The following MYH11 variants were observed in gnomAD, a reference collection of about 807,000 sequenced individuals.
The protein encoded by MYH11 is myosin-11.
MYH11 carries 80 observed loss-of-function variants against 246.6 expected under a neutral mutation model. That is an observed-to-expected ratio of 0.32 (90% CI 0.27 to 0.39). MYH11 has a LOEUF of 0.39. Among genes scored for constraint, MYH11 ranks in the 10% least tolerant of loss-of-function variants. The probability of loss-of-function intolerance (pLI) is 1.00; values close to 1 mark genes in which losing one functional copy is unlikely to be tolerated. For missense variants in MYH11, 2,158 were observed against 2,546.8 expected (o/e 0.85, Z 3.29); for synonymous variants, 1,071 against 1,015.5 (o/e 1.05, Z -1.04).
chr16:15,803,103 C>T (rs764410614), intron 3 of MYH11, among the ~76,000 whole-genome samples: 23 of 151,428 alleles, frequency 1.5e-4, no homozygotes, highest in Non-Finnish European at 3.1e-4. Context: ...TGCCACTGCA[C>T]TCCAGCCTGG....
chr16:15,783,585 C>A (rs1275549509), intron 5 of MYH11: 1 of 152,202 alleles, frequency 6.6e-6, no homozygotes, highest in Non-Finnish European at 1.5e-5. Context: ...AGTGGAATCA[C>A]CACAGCTGAG....
intron 1 of MYH11, among the ~76,000 whole-genome samples, chr16:15,843,832 T>G (rs1014565438): frequency 3.3e-5 from 5 of 152,140 alleles, no homozygotes; most frequent in Non-Finnish European, 7.3e-5. Flanking sequence ...TCAGTAGGAC[T>G]GGGATGGGGC....
intron 24 of MYH11, among the ~76,000 whole-genome samples, chr16:15,738,135 G>A (rs1422335113): frequency 6.6e-6 from 1 of 152,064 alleles, no homozygotes; most frequent in Non-Finnish European, 1.5e-5. Context: ...ATTTCGAGAG[G>A]TGGCATAGAG....
intron 37 of MYH11, 84 bp from the exon 38 acceptor site, chr16:15,717,432 TGGCCTCTGCACGA>T: frequency 6.9e-7 from 1 of 1,454,506 alleles, no homozygotes; most frequent in Admixed American, 1.8e-5. Flanking sequence ...CTGCCTTGTT[TGGCCTCTGCACGA>T]GTCCCTTGAT....
Position 15,766,624 on chromosome 16 carries a change from G to A in MYH11, c.1034-2733C>T, listed in dbSNP as rs189505462. On this transcript the variant is annotated intron_variant, in intron 9 of 40. Coordinates refer to ENST00000300036, the MANE Select transcript of MYH11 (RefSeq NM_002474.3). ...TGACTTCAAGTGATCCATGTGCCTT[G>A]GCCTCCCATAGGGTTGGGATTATAG... Among the ~76,000 whole-genome samples, 783 of 152,194 alleles carry A rather than the reference G, an allele frequency of 5.1e-3. 14 individuals are homozygous for A. Among genetic ancestry groups the A allele is most frequent in the African/African-American group, 0.018 (729 of 41,516 alleles).
At chr16:15,786,503 C>T in intron 5 of MYH11, 127 bp downstream of exon 5, 2 of 940,850 alleles carry the variant, frequency 2.1e-6, no homozygotes, top group Non-Finnish European at 3.5e-6. Flanking sequence ...CTCTTTGAGT[C>T]TTCAGGGGAG....
intron 4 of MYH11, among the ~76,000 whole-genome samples, chr16:15,787,821 A>C (rs1395886344): frequency 6.6e-6 from 1 of 151,914 alleles, no homozygotes; most frequent in Non-Finnish European, 1.5e-5. Flanking sequence ...AAAGTTTAAG[A>C]AGCTCCCTTA....
intron 1 of MYH11, among the ~76,000 whole-genome samples, chr16:15,841,478 G>A (rs750957383): frequency 2.2e-4 from 34 of 152,078 alleles, no homozygotes; most frequent in Non-Finnish European, 4.1e-4. Context: ...AAAGTGGGGT[G>A]GAAATGTGAA....
chr16:15,824,105 A>G (rs1387557890), intron 2 of MYH11, among the ~76,000 whole-genome samples: 4 of 136,760 alleles, frequency 2.9e-5, no homozygotes, highest in Admixed American at 2.8e-4. Flanking sequence ...TGACAATCAT[A>G]TTAAATGCTC....
intron 4 of MYH11, among the ~76,000 whole-genome samples, chr16:15,798,149 C>A (rs893586697): frequency 1.3e-5 from 2 of 152,178 alleles, no homozygotes; most frequent in Non-Finnish European, 2.9e-5. Context: ...AGTGAAAACT[C>A]TCTCAATGAT....
intron 40 of MYH11, among the ~76,000 whole-genome samples, chr16:15,712,161 G>A (rs1475318277): frequency 6.6e-6 from 1 of 152,222 alleles, no homozygotes; most frequent in African/African-American, 2.4e-5. Flanking sequence ...GGGGTGAAGA[G>A]TTTCAGTCAG....
chr16:15,828,843 AGAGAGAT>A (rs59860436), intron 2 of MYH11, among the ~76,000 whole-genome samples: 56,957 of 148,158 alleles, frequency 0.38, 15,528 homozygotes, highest in African/African-American at 0.79. Context: ...AAAGGAAGAA[AGAGAGAT>A]GAGAGATAGA....
chr16:15,834,300 G>A (rs753081950), intron 2 of MYH11, among the ~76,000 whole-genome samples: 10 of 152,126 alleles, frequency 6.6e-5, no homozygotes, highest in Admixed American at 1.3e-4. Context: ...GCCGAGGCAA[G>A]TGGATCACCT....
rs375649016 is a variant in MYH11, at chr16:15,823,352, C to T, written c.405G>A (p.Ser135=). The T allele has an allele frequency of 5.2e-5, 84 of 1,614,010 alleles. No homozygotes were observed. Among genetic ancestry groups the T allele is most frequent in the Non-Finnish European group, 6.4e-5 (76 of 1,180,040 alleles). The change falls in exon 3 of 41, where the codon TCG becomes TCA. Residue 135 remains serine, a synonymous_variant. Transcript: ENST00000300036. ...VNPYKHLPIY[S]EKIVDMYKGK... is the part of the protein sequence containing the mutation. ...CCTTGTACATGTCGACGATCTTCTC[C>T]GAGTAGATGGGCAGGTGTTTATAGG...
intron 5 of MYH11, chr16:15,784,896 C>T (rs144627300): frequency 3.4e-5 from 23 of 669,268 alleles, no homozygotes; most frequent in Non-Finnish European, 4.6e-5. Context: ...TGCAGGAATA[C>T]GATCACAGCT....
chr16:15,836,132 G>A (rs2043885477), intron 2 of MYH11, among the ~76,000 whole-genome samples: 1 of 152,160 alleles, frequency 6.6e-6, no homozygotes, highest in Admixed American at 6.6e-5. Context: ...CTGCTCGAGG[G>A]TGAGCAAGGC....
At chr16:15,722,697 A>G (rs1274852659) in intron 31 of MYH11, among the ~76,000 whole-genome samples, 1 of 152,214 alleles carries the variant, frequency 6.6e-6, no homozygotes, top group African/African-American at 2.4e-5. Flanking sequence ...AGGGAGGGGT[A>G]GGGAACCTGC....
At chr16:15,751,877 C>T (rs900387211) in intron 15 of MYH11, among the ~76,000 whole-genome samples, 1 of 152,124 alleles carries the variant, frequency 6.6e-6, no homozygotes, top group Non-Finnish European at 1.5e-5. Context: ...CAGCTCACTG[C>T]AACCTGCGCC....
intron 6 of MYH11, among the ~76,000 whole-genome samples, chr16:15,780,498 T>TTTTTTTTTTA (rs2042326966): frequency 1.4e-5 from 2 of 147,474 alleles, no homozygotes; most frequent in African/African-American, 5.0e-5. Context: ...TTTTTTTTTT[T>TTTTTTTTTTA]GAGACAAGAG....
Sources: gnomAD v4.1 joint callset for allele counts (sites outside exome capture counted in the v4.1 genomes callset) on GRCh38, gnomAD v4.1.1 for gene constraint, MANE v1.5 for transcripts, NCBI Gene and HGNC (gene_info 2026-07-23, HGNC 2026-07-21) for gene names.